The following SPICE1 variants were observed in gnomAD, a reference collection of about 807,000 sequenced individuals.
SPICE1 encodes the protein spindle and centriole associated protein 1.
Under a neutral mutation model 102.7 loss-of-function variants are expected in SPICE1, and 75 were observed. The ratio of observed to expected loss-of-function variants is 0.73; its 90% CI spans 0.61 to 0.88. SPICE1 has a LOEUF of 0.88. SPICE1 is among the 40% of genes least tolerant of loss of function. The pLI, the probability that SPICE1 is intolerant of heterozygous loss-of-function variation, is 0.00. For missense variants in SPICE1, 979 were observed against 1,020.1 expected, an observed-to-expected ratio of 0.96 and a Z score of 0.55; for synonymous variants, 308 against 350.3, an observed-to-expected ratio of 0.88 and a Z score of 1.35.
intron 12 of SPICE1, among the ~76,000 whole-genome samples, chr3:113,459,148 G>A (rs1284967509): frequency 1.3e-5 from 2 of 152,120 alleles, no homozygotes; most frequent in Non-Finnish European, 2.9e-5. Context: ...AATACGTGCT[G>A]TGTCCACTAA....
Position 113,499,572 on chromosome 3 carries a change from T to A in SPICE1, c.158A>T (p.His53Leu). The A allele has an allele frequency of 1.9e-6, 3 of 1,610,610 alleles. No individual in the cohort carries two copies. The highest frequency in any genetic ancestry group is 2.5e-6 in the Non-Finnish European group (3 of 1,178,960). The change falls in exon 4 of 18, where the codon CAT becomes CTT. Residue 53 changes from histidine (H) to leucine (L), a missense_variant. Physicochemically the swap from His to Leu is moderately conservative, Grantham distance 99. Transcript: ENST00000295872. Reference sequence around the variant, plus strand: ...TCTATTCTTCGATTTGTGTATTTCATGACGGCGTACCTATACAGAAGAGAA... The same window carrying A: ...TCTATTCTTCGATTTGTGTATTTCAAGACGGCGTACCTATACAGAAGAGAA... The part of the protein sequence containing the change: ...RATPEDLVRR[H>L]EIHKSKNRAL...
intron 7 of SPICE1, among the ~76,000 whole-genome samples, chr3:113,478,791 T>C (rs1936422109): frequency 6.6e-6 from 1 of 152,112 alleles, no homozygotes; most frequent in Non-Finnish European, 1.5e-5. Flanking sequence ...TTAGAGTATA[T>C]ACCTTCTTCT....
rs1312377449 is a variant in SPICE1 at position 113,494,555 on chromosome 3, G to A, written c.292-413C>T. 2.0e-5 allele frequency among the ~76,000 whole-genome samples: 3 copies of A among 151,620 alleles called. No homozygotes were observed. In the East Asian group the frequency reaches 5.8e-4, roughly 29 times the overall value. On this transcript the variant is annotated intron_variant, in intron 4 of 17. Coordinates refer to ENST00000295872, the MANE Select transcript of SPICE1 (RefSeq NM_144718.4). Reference sequence around the variant, plus strand: ...CCAGCTACTTGGGAGGCTGAGGCAGGAGAATGGCGTGAACCCGGGAGGCGG... The same window carrying A: ...CCAGCTACTTGGGAGGCTGAGGCAGAAGAATGGCGTGAACCCGGGAGGCGG...
rs1935460063 is a variant in SPICE1 at position 113,444,214 on chromosome 3, C to A, written c.*1093G>T. The A allele has an allele frequency of 6.6e-6, 1 of 151,672 alleles. No individual in the cohort carries two copies. 9.4% of individuals were successfully genotyped at this position (151,672 alleles called of 1,614,324 possible). ...CAAAAGGGTACCCTGAAAAATCTAT[C>A]CTGAGCCGGGTGCAGTGGCTCACAC... On this transcript the variant is annotated 3_prime_UTR_variant, in exon 18 of 18. Coordinates refer to ENST00000295872, the MANE Select transcript of SPICE1 (RefSeq NM_144718.4).
intron 16 of SPICE1, among the ~76,000 whole-genome samples, 163 bp from the exon 17 acceptor site, chr3:113,446,839 T>C (rs1559954999): frequency 6.6e-6 from 1 of 152,212 alleles, no homozygotes; most frequent in Non-Finnish European, 1.5e-5. Flanking sequence ...TTCACCAACC[T>C]GTAAGTCTTT....
At position 113,468,353 on chromosome 3, in the gene SPICE1, G is replaced by GATAT; in HGVS notation, c.937_940dup (p.Ser314TyrfsTer5). 2 of 1,614,128 alleles carry GATAT rather than the reference G, an allele frequency of 1.2e-6. No homozygotes were observed. The highest frequency in any genetic ancestry group is 1.7e-6 in the Non-Finnish European group (2 of 1,180,022). On this transcript the variant is annotated frameshift_variant, in exon 10 of 18. Transcript: ENST00000295872. LOFTEE classifies it high-confidence loss of function. ...GTCTGCAGAGGTTGTGCTACCTGAT[G>GATAT]ATATGTTTTTCTTCGGCTTGGAAAG...
intron 5 of SPICE1, 54 bp from the exon 6 acceptor site, chr3:113,493,366 C>A: frequency 7.1e-7 from 1 of 1,407,448 alleles, no homozygotes; most frequent in South Asian, 1.2e-5. Flanking sequence ...AACTTGACTT[C>A]ACAAGCTCTA....
chr3:113,481,402 T>G (rs1192227286), intron 7 of SPICE1, among the ~76,000 whole-genome samples: 5 of 127,282 alleles, frequency 3.9e-5, no homozygotes, highest in Admixed American at 2.2e-4. Flanking sequence ...AAAAGTAGAC[T>G]TTTTTTTTTC....
chr3:113,453,504 C>G lies in SPICE1; in HGVS notation c.2104G>C (p.Glu702Gln). The change falls in exon 14 of 18, where the codon GAG (glutamate) becomes CAG (glutamine). Residue 702 changes from glutamate to glutamine, a missense_variant. Glu to Gln is a conservative substitution (Grantham distance 29). Coordinates refer to ENST00000295872, the MANE Select transcript of SPICE1 (RefSeq NM_144718.4). Reference sequence around the variant, plus strand: ...CTTGCACTTTCTTGTTTGTTCAACTCCCGGAGTCCATCCCCTTGCTCTCCT... The same window carrying G: ...CTTGCACTTTCTTGTTTGTTCAACTGCCGGAGTCCATCCCCTTGCTCTCCT... ...PRGEQGDGLR[E>Q]LNKQESASDM... 1.2e-6 allele frequency: 2 copies of G among 1,612,784 alleles called. No homozygotes were observed. The highest frequency in any genetic ancestry group is 1.7e-6 in the Non-Finnish European group (2 of 1,178,970).
At chr3:113,467,723 A>G (rs1311468164) in intron 10 of SPICE1, among the ~76,000 whole-genome samples, 1 of 152,228 alleles carries the variant, frequency 6.6e-6, no homozygotes, top group Non-Finnish European at 1.5e-5. Context: ...TCTCCCACAT[A>G]TCAAGTCTAC....
chr3:113,508,457 G>A (rs1255651491), intron 1 of SPICE1, among the ~76,000 whole-genome samples: 1 of 152,176 alleles, frequency 6.6e-6, no homozygotes, highest in East Asian at 1.9e-4. Context: ...AATGGGCATA[G>A]GACTTGAATA....
chr3:113,486,156 C>CATATATATATATATATATATATATATAT (rs61506451), intron 7 of SPICE1, among the ~76,000 whole-genome samples: 1 of 142,012 alleles, frequency 7.0e-6, no homozygotes, highest in African/African-American at 2.6e-5. Context: ...CCTAAATGAC[C>CATATATATATATATATATATATATATAT]ATATATATAT....
At chr3:113,499,348 A>AGT in intron 4 of SPICE1, 91 bp downstream of exon 4, 1 of 1,343,360 alleles carries the variant, frequency 7.4e-7, no homozygotes, top group Non-Finnish European at 1.0e-6. Flanking sequence ...TGATTACTAG[A>AGT]GTCTCTCCAA....
intron 1 of SPICE1, among the ~76,000 whole-genome samples, chr3:113,509,522 C>T (rs72946769): frequency 0.012 from 1,846 of 152,270 alleles, 30 homozygotes; most frequent in African/African-American, 0.042. Flanking sequence ...AAGCACTTAT[C>T]TCTGCTAAGA....
intron 10 of SPICE1, among the ~76,000 whole-genome samples, chr3:113,466,253 T>C (rs528887683): frequency 6.6e-6 from 1 of 152,306 alleles, no homozygotes; most frequent in South Asian, 2.1e-4. Flanking sequence ...AAATATAATT[T>C]AAAGTAAATG....
At chr3:113,457,070 A>C (rs1460851714) in intron 13 of SPICE1, 66 bp downstream of exon 13, 3 of 1,466,682 alleles carry the variant, frequency 2.0e-6, no homozygotes, top group African/African-American at 1.4e-5. Context: ...GTAATGGTGA[A>C]AGTAATACAT....
intron 17 of SPICE1, 116 bp from the exon 18 acceptor site, chr3:113,445,476 T>C (rs746496866): frequency 2.4e-5 from 19 of 776,812 alleles, no homozygotes; most frequent in Non-Finnish European, 4.1e-5. Context: ...TGCCATTGAA[T>C]GGTACTGGAA....
chr3:113,470,699 C>A lies in SPICE1; in HGVS notation c.612-1461G>T, dbSNP rs528273318. Among the ~76,000 whole-genome samples, 11 of 152,316 alleles carry A rather than the reference C, an allele frequency of 7.2e-5. No homozygotes were observed. In the South Asian group the frequency reaches 2.1e-3, roughly 29 times the overall value. Reference sequence around the variant, plus strand: ...AGAACATGTGGCCAGAGCTGCAGATCCATAGGCACAGAGGCCAAAGCCAGA... The same window carrying A: ...AGAACATGTGGCCAGAGCTGCAGATACATAGGCACAGAGGCCAAAGCCAGA... On this transcript the variant is annotated intron_variant, in intron 7 of 17. Transcript: ENST00000295872.
intron 1 of SPICE1, chr3:113,514,636 C>A (rs1302289540): frequency 1.9e-6 from 1 of 532,864 alleles, no homozygotes; most frequent in Admixed American, 2.3e-5. Context: ...GGGTTAACTT[C>A]CACGGACTCC....
Sources: gnomAD v4.1 joint callset for allele counts (sites outside exome capture counted in the v4.1 genomes callset) on GRCh38, gnomAD v4.1.1 for gene constraint, MANE v1.5 for transcripts, NCBI Gene and HGNC (gene_info 2026-07-23, HGNC 2026-07-21) for gene names.